The following PRICKLE1 variants were observed in gnomAD, a reference collection of about 807,000 sequenced individuals.
PRICKLE1 encodes the protein prickle-like protein 1.
In PRICKLE1, 14 loss-of-function variants were observed where a neutral mutation model predicts 70.2. The observed-to-expected ratio is 0.20, with a 90% CI of 0.13 to 0.31. The LOEUF is 0.31. Among genes scored for constraint, PRICKLE1 ranks in the 10% least tolerant of loss-of-function variants. PRICKLE1 has a pLI of 1.00. For missense variants in PRICKLE1, 821 were observed against 1,026.2 expected, an observed-to-expected ratio of 0.80 and a Z score of 2.73; for synonymous variants, 357 against 379.9, an observed-to-expected ratio of 0.94 and a Z score of 0.70.
chr12:42,470,166 G>A, intron 3 of PRICKLE1, 80 bp downstream of exon 3: 1 of 1,038,342 alleles, frequency 9.6e-7, no homozygotes. Flanking sequence ...GTGAGGAGTT[G>A]GGGTTTATGA....
At chr12:42,484,739 A>G (rs1938940310) in intron 1 of PRICKLE1, among the ~76,000 whole-genome samples, 2 of 152,226 alleles carry the variant, frequency 1.3e-5, no homozygotes, top group Admixed American at 1.3e-4. Flanking sequence ...TTGTAGGTAC[A>G]CTGAGAGAAA....
At chr12:42,567,657 GTC>G (rs1566130062) in intron 1 of PRICKLE1, among the ~76,000 whole-genome samples, 1 of 151,926 alleles carries the variant, frequency 6.6e-6, no homozygotes, top group African/African-American at 2.4e-5. Context: ...GTGAAACCCC[GTC>G]TCTACTAAAA....
At chr12:42,465,534 C>G in intron 6 of PRICKLE1, 1 of 446,008 alleles carries the variant, frequency 2.2e-6, no homozygotes, top group Non-Finnish European at 4.0e-6. Context: ...CCAACATGCA[C>G]TGATCCAGGA....
Position 42,460,292 on chromosome 12 carries a change from A to G in PRICKLE1, c.2013T>C (p.His671=), listed in dbSNP as rs1205521674. 1.2e-6 allele frequency: 2 copies of G among 1,614,082 alleles called. No individual in the cohort carries two copies. Among genetic ancestry groups the G allele is most frequent in the Non-Finnish European group, 8.5e-7 (1 of 1,180,020 alleles). The part of the protein sequence containing the change: ...YNFEERGSRS[H]HHRRRRSRKS... ...TTCTACTTCTCCGGCGGCGGTGGTGATGAGACCTGGATCCCCTCTCTTCAA... is the reference window on the plus strand; with the variant it reads ...TTCTACTTCTCCGGCGGCGGTGGTGGTGAGACCTGGATCCCCTCTCTTCAA... Residue 671 remains histidine (H), a synonymous_variant, in exon 8 of 8, where the codon CAT becomes CAC. Transcript: ENST00000345127.
intron 1 of PRICKLE1, among the ~76,000 whole-genome samples, chr12:42,481,144 G>A (rs1938778294): frequency 6.6e-6 from 1 of 152,154 alleles, no homozygotes; most frequent in African/African-American, 2.4e-5. Context: ...GGGGAGTGAG[G>A]ATTTGAGGGA....
At chr12:42,546,456 A>G (rs1039780586) in intron 1 of PRICKLE1, among the ~76,000 whole-genome samples, 3 of 152,230 alleles carry the variant, frequency 2.0e-5, no homozygotes, top group Non-Finnish European at 4.4e-5. Flanking sequence ...CAAACTGAGT[A>G]AAGAATTAAA....
At chr12:42,584,978 TAGAAAGGAG>T (rs1940963854) in intron 1 of PRICKLE1, among the ~76,000 whole-genome samples, 1 of 151,506 alleles carries the variant, frequency 6.6e-6, no homozygotes, top group African/African-American at 2.4e-5. Flanking sequence ...ACAAAACTCT[TAGAAAGGAG>T]TCCATGACTT....
At chr12:42,527,306 T>A (rs1939822387) in intron 1 of PRICKLE1, among the ~76,000 whole-genome samples, 1 of 152,032 alleles carries the variant, frequency 6.6e-6, no homozygotes, top group Non-Finnish European at 1.5e-5. Context: ...CTAATTTTTG[T>A]ATTTTTAGTA....
At chr12:42,588,525 T>TC (rs1566138405) in intron 1 of PRICKLE1, among the ~76,000 whole-genome samples, 1 of 151,916 alleles carries the variant, frequency 6.6e-6, no homozygotes, top group African/African-American at 2.4e-5. Context: ...TTTTTTTTTT[T>TC]CCTTTAGGCT....
intron 1 of PRICKLE1, among the ~76,000 whole-genome samples, chr12:42,512,774 C>T (rs1939538361): frequency 6.6e-6 from 1 of 151,818 alleles, no homozygotes; most frequent in Admixed American, 6.6e-5. Context: ...TCTCTTGCCT[C>T]AGCCTCCCAA....
At chr12:42,504,444 C>G (rs1311137458) in intron 1 of PRICKLE1, among the ~76,000 whole-genome samples, 1 of 152,220 alleles carries the variant, frequency 6.6e-6, no homozygotes, top group Non-Finnish European at 1.5e-5. Flanking sequence ...TGCTCTGGAA[C>G]TGACTCTACA....
At chr12:42,539,292 C>T (rs1460742515) in intron 1 of PRICKLE1, among the ~76,000 whole-genome samples, 4 of 151,890 alleles carry the variant, frequency 2.6e-5, no homozygotes, top group African/African-American at 9.7e-5. Context: ...ACGGTGAAAC[C>T]CTGTCTCTAC....
intron 1 of PRICKLE1, among the ~76,000 whole-genome samples, chr12:42,479,613 T>C (rs1159261229): frequency 6.6e-6 from 1 of 152,194 alleles, no homozygotes; most frequent in East Asian, 1.9e-4. Flanking sequence ...TTCTGGGGAA[T>C]GCCAAAAGGA....
At chr12:42,468,194 G>A (rs988992603) in intron 5 of PRICKLE1, among the ~76,000 whole-genome samples, 1 of 152,104 alleles carries the variant, frequency 6.6e-6, no homozygotes, top group African/African-American at 2.4e-5. Flanking sequence ...CACCTTCCCC[G>A]AGGGTAACTA....
intron 1 of PRICKLE1, among the ~76,000 whole-genome samples, chr12:42,507,197 C>T (rs1477329127): frequency 6.6e-6 from 1 of 152,170 alleles, no homozygotes; most frequent in East Asian, 1.9e-4. Flanking sequence ...GGCTGCTGGG[C>T]AGCTGCTGTC....
chr12:42,506,000 C>T (rs1190895941), intron 1 of PRICKLE1, among the ~76,000 whole-genome samples: 2 of 152,090 alleles, frequency 1.3e-5, no homozygotes, highest in African/African-American at 2.4e-5. Context: ...AAAGTGGTAA[C>T]GTTGTGGAAT....
chr12:42,467,567 C>T (rs1329143049), intron 5 of PRICKLE1, among the ~76,000 whole-genome samples: 3 of 151,776 alleles, frequency 2.0e-5, no homozygotes, highest in Non-Finnish European at 4.4e-5. Context: ...ATGGTGAAGC[C>T]CGCCTCTACT....
chr12:42,541,290 G>A (rs2600935), intron 1 of PRICKLE1, among the ~76,000 whole-genome samples: 141,773 of 152,134 alleles, frequency 0.93, 66,080 homozygotes, highest in East Asian at 1. Flanking sequence ...TCAATTATCT[G>A]GTTTGGTTGT....
At chr12:42,543,847 G>A (rs924915009) in intron 1 of PRICKLE1, among the ~76,000 whole-genome samples, 4 of 152,090 alleles carry the variant, frequency 2.6e-5, no homozygotes, top group Non-Finnish European at 5.9e-5. Flanking sequence ...AATAATAATA[G>A]CCTGCTGTTG....
Sources: allele counts gnomAD v4.1 joint callset (sites outside exome capture counted in the v4.1 genomes callset), GRCh38; gene constraint gnomAD v4.1.1; transcripts MANE v1.5; gene names NCBI Gene and HGNC (gene_info 2026-07-23, HGNC 2026-07-21).